The following PEAK1 variants were observed in gnomAD, a reference collection of about 807,000 sequenced individuals.
The protein encoded by PEAK1 is inactive tyrosine-protein kinase PEAK1.
A neutral mutation model predicts 124.7 loss-of-function variants in PEAK1; 54 were observed. That is an observed-to-expected ratio of 0.43 (90% CI 0.35 to 0.54). The LOEUF (loss-of-function observed/expected upper bound fraction) is 0.54. Among genes scored for constraint, PEAK1 ranks in the 20% least tolerant of loss-of-function variants. The pLI is 0.01. For missense variants in PEAK1, 2,046 were observed against 2,134.5 expected, an observed-to-expected ratio of 0.96 and a Z score of 0.82; for synonymous variants, 719 against 760.0, an observed-to-expected ratio of 0.95 and a Z score of 0.89.
chr15:77,177,115 C>G (rs932734346), intron 7 of PEAK1, among the ~76,000 whole-genome samples: 1 of 152,164 alleles, frequency 6.6e-6, no homozygotes, highest in Non-Finnish European at 1.5e-5. Context: ...TGCCACCACA[C>G]CCAGCTCATT....
Position 77,226,839 on chromosome 15 carries a change from C to T in PEAK1, c.-115+25528G>A, listed in dbSNP as rs189774349. Among the ~76,000 whole-genome samples the T allele has an allele frequency of 1.9e-3, 286 of 152,180 alleles. 1 individual carries two copies. Among genetic ancestry groups the T allele is most frequent in the Non-Finnish European group, 3.3e-3 (226 of 67,986 alleles). ...CTACTTCCTTATAACGTATTACCAC[C>T]CCTATTTTATAGACAAGGAAACTGA... is the stretch of plus-strand genomic sequence containing the variant. On this transcript the variant is annotated intron_variant, in intron 6 of 9. Transcript: ENST00000682557.
rs2050822300 is a variant in PEAK1 at position 77,108,783 on chromosome 15, T to G, written c.*5373A>C. ...CCGACCTCTTTTGATTCCCTGAAAC[T>G]TTCTTGATTTAAAAAACAAAACCAA... On this transcript the variant is annotated 3_prime_UTR_variant, in exon 10 of 10. Transcript: ENST00000682557. The G allele has an allele frequency of 6.6e-6, 1 of 152,182 alleles. No homozygotes were observed. The highest frequency in any genetic ancestry group is 1.5e-5 in the Non-Finnish European group (1 of 68,042). The allele number at this position is 152,182 out of a possible 1,614,324, so 9.4% of individuals were successfully genotyped here.
chr15:77,266,582 T>C (rs1428545175), intron 5 of PEAK1, among the ~76,000 whole-genome samples: 1 of 152,180 alleles, frequency 6.6e-6, no homozygotes, highest in Non-Finnish European at 1.5e-5. Flanking sequence ...AGGTTTTGAT[T>C]GAAAACCATT....
rs919557207 is a variant in PEAK1, at chr15:77,179,450, C to T, written c.2477G>A (p.Ser826Asn). 9 of 1,613,958 alleles carry T rather than the reference C, an allele frequency of 5.6e-6. No homozygotes were observed. The African/African-American group carries it at 1.2e-4, about 22-fold the overall frequency. The change falls in exon 7 of 10, where the codon AGT becomes AAT. Residue 826 changes from serine to asparagine, a missense_variant. Ser to Asn is a conservative substitution (Grantham distance 46). Coordinates refer to ENST00000682557, the MANE Select transcript of PEAK1 (RefSeq NM_001385026.1). Reference sequence around the variant, plus strand: ...GGTCTGAGGTGCTTCAGCCTCACCACTAGGCTGAGATGTAAAGAGAGATTT... The same window carrying T: ...GGTCTGAGGTGCTTCAGCCTCACCATTAGGCTGAGATGTAAAGAGAGATTT... ...RPKSLFTSQP[S>N]GEAEAPQTTD...
At chr15:77,323,182 A>C (rs1043495968) in intron 2 of PEAK1, among the ~76,000 whole-genome samples, 8 of 152,338 alleles carry the variant, frequency 5.3e-5, no homozygotes, top group African/African-American at 1.4e-4. Context: ...CATCATACTG[A>C]ATGGGCAAAA....
chr15:77,105,034 G>A (rs529544262), downstream of PEAK1: 8 of 152,284 alleles, frequency 5.3e-5, no homozygotes, highest in South Asian at 1.7e-3. Context: ...TTTACCTGAG[G>A]TACAATTTGC....
At chr15:77,160,420 G>A (rs2055531588) in intron 7 of PEAK1, among the ~76,000 whole-genome samples, 1 of 152,020 alleles carries the variant, frequency 6.6e-6, no homozygotes, top group Admixed American at 6.5e-5. Context: ...GCTCGCACCT[G>A]TAATCCCAGC....
At chr15:77,210,199 T>G (rs1382396860) in intron 6 of PEAK1, among the ~76,000 whole-genome samples, 1 of 152,204 alleles carries the variant, frequency 6.6e-6, no homozygotes, top group African/African-American at 2.4e-5. Context: ...ATGCAATTAT[T>G]TTTACACAAC....
intron 5 of PEAK1, among the ~76,000 whole-genome samples, chr15:77,257,816 G>C (rs1339380732): frequency 1.5e-5 from 2 of 133,398 alleles, no homozygotes; most frequent in Non-Finnish European, 3.6e-5. Context: ...CCTATGTCCT[G>C]AATGGTAAGG....
At position 77,178,939 on chromosome 15, in the gene PEAK1, A is replaced by C; in HGVS notation, c.2988T>G (p.Ala996=). The change falls in exon 7 of 10, where the codon GCT becomes GCG. Residue 996 remains alanine, a synonymous_variant. Transcript: ENST00000682557. ...TCTGATCCACACTGAGCTGGCCTTGAGCAGGGTCGCACCTGTACATGAAGA... is the reference window on the plus strand; with the variant it reads ...TCTGATCCACACTGAGCTGGCCTTGCGCAGGGTCGCACCTGTACATGAAGA... ...AIVFMYRCDP[A]QGQLSVDQSK... is the part of the protein sequence containing the mutation. 1 of 1,614,014 alleles carries C rather than the reference A, an allele frequency of 6.2e-7. No homozygotes were observed. The highest frequency in any genetic ancestry group is 8.5e-7 in the Non-Finnish European group (1 of 1,179,986).
intron 1 of PEAK1, among the ~76,000 whole-genome samples, chr15:77,369,861 G>A (rs976667928): frequency 6.6e-6 from 1 of 151,880 alleles, no homozygotes; most frequent in Non-Finnish European, 1.5e-5. Flanking sequence ...CTGTATCCTG[G>A]GTCAAAAGTG....
At chr15:77,381,320 C>T in intron 1 of PEAK1, 3 of 829,176 alleles carry the variant, frequency 3.6e-6, no homozygotes, top group South Asian at 5.5e-5. Flanking sequence ...GAGACTGAGG[C>T]GAAAGCACTG....
intron 8 of PEAK1, among the ~76,000 whole-genome samples, chr15:77,138,389 T>C (rs2053506910): frequency 2.0e-5 from 3 of 152,222 alleles, no homozygotes; most frequent in Admixed American, 2.0e-4. Flanking sequence ...CTGTAGACTT[T>C]ATATATACTG....
At chr15:77,281,373 T>C (rs117294346) in intron 5 of PEAK1, among the ~76,000 whole-genome samples, 2 of 152,154 alleles carry the variant, frequency 1.3e-5, no homozygotes, top group East Asian at 3.8e-4. Flanking sequence ...TAACCCTACA[T>C]AGAAAATCTG....
chr15:77,370,474 G>C (rs1329473849), intron 1 of PEAK1, among the ~76,000 whole-genome samples: 2 of 152,142 alleles, frequency 1.3e-5, no homozygotes, highest in African/African-American at 4.8e-5. Flanking sequence ...GAAGAAAAAG[G>C]GACGTTCCAG....
intron 7 of PEAK1, among the ~76,000 whole-genome samples, chr15:77,171,795 T>A (rs895936034): frequency 1.4e-4 from 21 of 152,146 alleles, no homozygotes; most frequent in African/African-American, 4.6e-4. Flanking sequence ...TACACCATAA[T>A]TAAGTGCATT....
At chr15:77,204,206 C>T (rs1243666113) in intron 6 of PEAK1, among the ~76,000 whole-genome samples, 1 of 152,144 alleles carries the variant, frequency 6.6e-6, no homozygotes, top group African/African-American at 2.4e-5. Flanking sequence ...GGTACCACTA[C>T]ACACCTATTA....
At chr15:77,404,369 G>A in intron 1 of PEAK1, 1 of 971,272 alleles carries the variant, frequency 1.0e-6, no homozygotes, top group South Asian at 4.8e-5. Flanking sequence ...CGAAGCATCT[G>A]AAATGCAGCC....
intron 6 of PEAK1, among the ~76,000 whole-genome samples, chr15:77,192,990 T>C (rs941339793): frequency 2.0e-5 from 3 of 152,182 alleles, no homozygotes; most frequent in Non-Finnish European, 2.9e-5. Context: ...CACAGACATA[T>C]TTCACAGAAT....
Sources: allele counts gnomAD v4.1 joint callset (sites outside exome capture counted in the v4.1 genomes callset), GRCh38; gene constraint gnomAD v4.1.1; transcripts MANE v1.5; gene names NCBI Gene and HGNC (gene_info 2026-07-23, HGNC 2026-07-21).